UPRT: variants seen among roughly 807,000 people sequenced by gnomAD.
The protein encoded by UPRT is uracil phosphoribosyltransferase homolog, also known as RP11-311P8.3.
Under a neutral mutation model 22.6 loss-of-function variants are expected in UPRT, and 5 were observed. The observed-to-expected ratio is 0.22, with a 90% CI of 0.12 to 0.47. The LOEUF (loss-of-function observed/expected upper bound fraction) is 0.47, where lower values mean the gene tolerates loss of function less well. Among genes scored for constraint, UPRT ranks in the 20% least tolerant of loss-of-function variants. UPRT has a pLI of 0.99. For synonymous variants in UPRT, 77 were observed against 87.7 expected (o/e 0.88, Z 0.68); for missense variants, 181 against 239.9 (o/e 0.75, Z 1.62).
At chrX:75,183,332 T>TC (rs2082277465) in intron 4 of UPRT, among the ~76,000 whole-genome samples, 1 of 111,453 alleles carries the variant, frequency 9.0e-6, no homozygotes, top group African/African-American at 3.3e-5. Context: ...TTCATCCATG[T>TC]CCCCACAAAG....
At chrX:75,167,621 A>G (rs2082216301) in intron 3 of UPRT, among the ~76,000 whole-genome samples, 1 of 112,252 alleles carries the variant, frequency 8.9e-6, no homozygotes, top group Non-Finnish European at 1.9e-5. Flanking sequence ...TTTCAAAAAT[A>G]GTTTCCAAAC....
At chrX:75,259,586 G>C (rs2082561076) in intron 4 of UPRT, among the ~76,000 whole-genome samples, 1 of 109,838 alleles carries the variant, frequency 9.1e-6, no homozygotes, top group Non-Finnish European at 1.9e-5. Context: ...AACAAACAAA[G>C]CCTCTGAGAA....
At chrX:75,296,241 C>G in intron 2 of UPRT, 101 bp from the exon 3 acceptor site, 1 of 796,192 alleles carries the variant, frequency 1.3e-6, no homozygotes, top group Non-Finnish European at 1.8e-6. Context: ...AAACCTTTGC[C>G]TAGTGTGTTC....
chrX:75,203,353 C>T (rs2082352843), intron 4 of UPRT, among the ~76,000 whole-genome samples: 1 of 110,866 alleles, frequency 9.0e-6, no homozygotes, highest in African/African-American at 3.3e-5. Context: ...TAGTCGGAGA[C>T]TTTAACACCC....
At chrX:75,174,477 C>T (rs746977813) in intron 4 of UPRT, among the ~76,000 whole-genome samples, 16 of 111,776 alleles carry the variant, frequency 1.4e-4, no homozygotes, top group Non-Finnish European at 2.1e-4. Flanking sequence ...ATGGCTGACA[C>T]GGGACCTAGA....
At chrX:75,215,753 A>G (rs1165658817) in intron 4 of UPRT, among the ~76,000 whole-genome samples, 1 of 111,612 alleles carries the variant, frequency 9.0e-6, no homozygotes, top group East Asian at 2.8e-4. Flanking sequence ...CAGGATCCAT[A>G]CCACAAACCT....
At chrX:75,185,005 C>T (rs769415316) in intron 4 of UPRT, among the ~76,000 whole-genome samples, 1 of 110,651 alleles carries the variant, frequency 9.0e-6, no homozygotes, top group Admixed American at 9.7e-5. Flanking sequence ...AATTGAATAC[C>T]CTTTGTTTCC....
chrX:75,233,797 G>T, intron 4 of UPRT, among the ~76,000 whole-genome samples: 1 of 111,007 alleles, frequency 9.0e-6, no homozygotes, highest in South Asian at 3.9e-4. Context: ...ACTAAACATG[G>T]AAAGGAACAA....
At chrX:75,259,496 A>G (rs981767017) in intron 4 of UPRT, among the ~76,000 whole-genome samples, 6 of 107,946 alleles carry the variant, frequency 5.6e-5, no homozygotes, top group Non-Finnish European at 9.5e-5. Flanking sequence ...GACCAAGCAG[A>G]AGAAAGGATA....
chrX:75,174,098 C>T (rs977391893), intron 4 of UPRT, among the ~76,000 whole-genome samples: 5 of 112,241 alleles, frequency 4.5e-5, no homozygotes, highest in Non-Finnish European at 7.5e-5. Context: ...ACTGGGAGCC[C>T]GGGCAGAGGA....
chrX:75,177,231 G>A (rs111998603), intron 4 of UPRT, among the ~76,000 whole-genome samples: 1 of 106,987 alleles, frequency 9.3e-6, no homozygotes, highest in Non-Finnish European at 1.9e-5. Flanking sequence ...GCTCACTGAC[G>A]CAGCAGCAGA....
chrX:75,271,714 T>C (rs1240827796), upstream of UPRT, among the ~76,000 whole-genome samples: 12 of 111,418 alleles, frequency 1.1e-4, no homozygotes, highest in Non-Finnish European at 2.3e-4. Flanking sequence ...AGACAACCCA[T>C]ACAGTGGGAG....
intron 4 of UPRT, among the ~76,000 whole-genome samples, chrX:75,180,294 G>A (rs757687340): frequency 5.4e-5 from 6 of 112,094 alleles, no homozygotes; most frequent in East Asian, 2.8e-4. Context: ...CCCAGATAGC[G>A]CACAGGGCTT....
chrX:75,301,879 G>A (rs2082745536), intron 6 of UPRT, among the ~76,000 whole-genome samples: 1 of 111,977 alleles, frequency 8.9e-6, no homozygotes, highest in Admixed American at 9.5e-5. Flanking sequence ...CAGACACACA[G>A]TGTTGTTTCA....
intron 4 of UPRT, among the ~76,000 whole-genome samples, chrX:75,203,351 G>T (rs2082352803): frequency 9.0e-6 from 1 of 110,866 alleles, no homozygotes; most frequent in South Asian, 3.8e-4. Context: ...AATAGTCGGA[G>T]ACTTTAACAC....
upstream of UPRT, among the ~76,000 whole-genome samples, chrX:75,271,317 AC>A (rs2082607370): frequency 8.9e-6 from 1 of 112,196 alleles, no homozygotes; most frequent in Admixed American, 9.5e-5. Context: ...GACCAATGGA[AC>A]AAAACACAAA....
intron 4 of UPRT, among the ~76,000 whole-genome samples, chrX:75,183,838 T>C (rs2082279641): frequency 8.9e-6 from 1 of 112,450 alleles, no homozygotes; most frequent in African/African-American, 3.2e-5. Context: ...GAAATATCTG[T>C]TCATATCCTT....
At chrX:75,266,226 T>C (rs2147674230) in intron 4 of UPRT, among the ~76,000 whole-genome samples, 1 of 111,570 alleles carries the variant, frequency 9.0e-6, no homozygotes, top group African/African-American at 3.3e-5. Context: ...AGCATGGTTC[T>C]GGTACCAAAA....
chrX:75,255,321 C>G (rs753004330), intron 4 of UPRT, among the ~76,000 whole-genome samples: 1 of 111,757 alleles, frequency 8.9e-6, no homozygotes, highest in Admixed American at 9.5e-5. Context: ...GAATTCACCA[C>G]TACCAAGCCA....
Sources: gnomAD v4.1 joint callset for allele counts (sites outside exome capture counted in the v4.1 genomes callset) on GRCh38, gnomAD v4.1.1 for gene constraint, MANE v1.5 for transcripts, NCBI Gene and HGNC (gene_info 2026-07-23, HGNC 2026-07-21) for gene names.